Variants in NCEH1 observed in about 807,000 individuals in gnomAD.
The protein encoded by NCEH1 is neutral cholesterol ester hydrolase 1.
NCEH1 carries 9 observed loss-of-function variants against 25.4 expected under a neutral mutation model. The ratio of observed to expected loss-of-function variants is 0.35; its 90% confidence interval spans 0.21 to 0.62. NCEH1 has a LOEUF of 0.62. Among genes scored for constraint, NCEH1 ranks in the 20% least tolerant of loss-of-function variants. NCEH1 has a pLI of 0.72. For synonymous variants in NCEH1, 200 were observed against 199.8 expected, an observed-to-expected ratio of 1.00 and a Z score of -0.01; for missense variants, 412 against 501.1, an observed-to-expected ratio of 0.82 and a Z score of 1.70.
intron 1 of NCEH1, among the ~76,000 whole-genome samples, chr3:172,680,108 C>T (rs1560199433): frequency 1.3e-5 from 2 of 152,204 alleles, no homozygotes; most frequent in South Asian, 4.1e-4. Flanking sequence ...CTGGGGCAGA[C>T]CCAGGAGTTT....
intron 1 of NCEH1, among the ~76,000 whole-genome samples, chr3:172,696,625 G>A (rs886755498): frequency 2.0e-5 from 3 of 152,184 alleles, no homozygotes; most frequent in East Asian, 3.9e-4. Context: ...AGGTCACACA[G>A]CTAGGATAGC....
rs115669038 is a variant in NCEH1 at position 172,634,639 on chromosome 3, G to C, written c.610-547C>G. On this transcript the variant is annotated intron_variant, in intron 4 of 4. Coordinates refer to ENST00000475381, the MANE Select transcript of NCEH1 (RefSeq NM_020792.6). ...CAATGCACCCTCCATTCTACATAATGAGCATATGCCAGAGTGAAGTTGTCA... is the reference window on the plus strand; with the variant it reads ...CAATGCACCCTCCATTCTACATAATCAGCATATGCCAGAGTGAAGTTGTCA... Among the ~76,000 whole-genome samples the C allele has an allele frequency of 2.8e-3, 430 of 152,244 alleles. 2 individuals are homozygous for C. The highest frequency in any genetic ancestry group is 0.01 in the African/African-American group (420 of 41,548).
chr3:172,654,001 C>T (rs1717577517), intron 1 of NCEH1, among the ~76,000 whole-genome samples: 1 of 152,012 alleles, frequency 6.6e-6, no homozygotes, highest in Non-Finnish European at 1.5e-5. Context: ...ATGATCCTCC[C>T]GCCTTGGCCT....
At chr3:172,637,096 T>A (rs1716629736) in intron 3 of NCEH1, among the ~76,000 whole-genome samples, 2 of 152,338 alleles carry the variant, frequency 1.3e-5, no homozygotes, top group Middle Eastern at 3.4e-3. Context: ...AATTATCATA[T>A]GTTTTTCCTA....
chr3:172,690,625 A>T (rs1712981629), intron 1 of NCEH1, among the ~76,000 whole-genome samples: 1 of 152,232 alleles, frequency 6.6e-6, no homozygotes, highest in Non-Finnish European at 1.5e-5. Context: ...CCACTGTAAC[A>T]TTATTTATGG....
rs952246006 is a variant in NCEH1 at position 172,710,959 on chromosome 3, G to A, written c.26C>T (p.Thr9Ile). 3.7e-5 allele frequency: 60 copies of A among 1,614,008 alleles called. No homozygotes were observed. The highest frequency in any genetic ancestry group is 8.3e-5 in the Admixed American group (5 of 60,012). MRSSCVLL[T>I]ALVALAAYYV... The stretch of plus-strand genomic sequence containing the variant: ...ATAGGCGGCCAGCGCCACCAGGGCG[G>A]TGAGCAGGACACAGGACGACCTCAT... The change falls in exon 1 of 5, where the codon ACC becomes ATC. Residue 9 changes from threonine to isoleucine, a missense_variant. Transcript: ENST00000475381.
At position 172,632,492 on chromosome 3, in the gene NCEH1, GAAA is replaced by G. The variant is rs951494635; in HGVS notation, c.*980_*982del. ...AGCTCCATTTTAAAGCCATATAAGT[GAAA>G]AAATTGAGTTTTCAATAATAGACTA... On this transcript the variant is annotated 3_prime_UTR_variant, in exon 5 of 5. Transcript: ENST00000475381. 3 of 152,444 alleles carry G rather than the reference GAAA, an allele frequency of 2.0e-5. No individual in the cohort carries two copies. Among genetic ancestry groups the G allele is most frequent in the Non-Finnish European group, 2.9e-5 (2 of 68,008 alleles). 9.4% of individuals were successfully genotyped at this position (152,444 alleles called of 1,614,324 possible). A position where few individuals can be genotyped will look rare whatever the true frequency, so the allele number is the denominator to read the frequency against.
At chr3:172,677,506 TTCAC>T (rs1712080227) in intron 1 of NCEH1, among the ~76,000 whole-genome samples, 1 of 152,224 alleles carries the variant, frequency 6.6e-6, no homozygotes, top group Non-Finnish European at 1.5e-5. Context: ...CTTTTGAACT[TTCAC>T]TCATCTGAAT....
At chr3:172,653,735 G>GTTTTTTTTTTTTT (rs1553830302) in intron 1 of NCEH1, among the ~76,000 whole-genome samples, 30 of 71,008 alleles carry the variant, frequency 4.2e-4, no homozygotes, top group African/African-American at 1.4e-3. Context: ...TTGTTGTTCT[G>GTTTTTTTTTTTTT]TTTTTTTTGT....
chr3:172,696,369 GA>G (rs1002823873), intron 1 of NCEH1, among the ~76,000 whole-genome samples: 71 of 149,028 alleles, frequency 4.8e-4, no homozygotes, highest in African/African-American at 1.5e-3. Context: ...GACGATAAAA[GA>G]AAAAAAAAAT....
chr3:172,701,084 A>G (rs1713649299), intron 1 of NCEH1, among the ~76,000 whole-genome samples: 1 of 152,122 alleles, frequency 6.6e-6, no homozygotes, highest in Non-Finnish European at 1.5e-5. Flanking sequence ...TACTTCTGCC[A>G]CTATCCATTT....
rs369333214 is a variant in NCEH1 at position 172,647,936 on chromosome 3, T to C, written c.317A>G (p.Lys106Arg). ...TCCGTGGATATAAACGACGCTGCGTTTCAGTGGCTCTTCGGGCTTCGGAGG... is the reference window on the plus strand; with the variant it reads ...TCCGTGGATATAAACGACGCTGCGTCTCAGTGGCTCTTCGGGCTTCGGAGG... ...EGPPKPEEPL[K>R]RSVVYIHGGG... The change falls in exon 2 of 5, where the codon AAA becomes AGA. Residue 106 changes from lysine to arginine, a missense_variant. By Grantham distance (26) the Lys-to-Arg change is conservative. Around this residue, in one of 3 missense-constraint regions of NCEH1, gnomAD observed 178 missense variants for 189.2 expected, o/e 0.94. Coordinates refer to ENST00000475381, the MANE Select transcript of NCEH1 (RefSeq NM_020792.6). 15 of 1,614,090 alleles carry C rather than the reference T, an allele frequency of 9.3e-6. No homozygotes were observed. Among genetic ancestry groups the C allele is most frequent in the Admixed American group, 1.7e-5 (1 of 60,008 alleles).
In NCEH1 at chr3:172,704,552, TTC is replaced by T. The variant is rs755611973; in HGVS notation, c.138+6293_138+6294del. ...AAGTTTAGGTTTCTGCCTTACACAT[TTC>T]TGTTTTGCCAGACCAGCTCCTTGCC... On this transcript the variant is annotated intron_variant, in intron 1 of 4. Coordinates refer to ENST00000475381, the MANE Select transcript of NCEH1 (RefSeq NM_020792.6). 2.0e-5 allele frequency among the ~76,000 whole-genome samples: 3 copies of T among 152,346 alleles called. No individual in the cohort carries two copies. In the East Asian group the frequency reaches 5.8e-4, roughly 29 times the overall value.
rs556246639 is a variant in NCEH1 at position 172,631,167 on chromosome 3, C to T, written c.*2308G>A. ...CATCTGAGAGAGCCTTTTAGAGATCCGGAATCATTTGCTGTCTGCAATTAC... is the reference window on the plus strand; with the variant it reads ...CATCTGAGAGAGCCTTTTAGAGATCTGGAATCATTTGCTGTCTGCAATTAC... On this transcript the variant is annotated 3_prime_UTR_variant, in exon 5 of 5. Transcript: ENST00000475381. 12 of 152,100 alleles carry T rather than the reference C, an allele frequency of 7.9e-5. No homozygotes were observed. Among genetic ancestry groups the T allele is most frequent in the Admixed American group, 1.3e-4 (2 of 15,272 alleles). The allele number at this position is 152,100 out of a possible 1,614,324, so 9.4% of individuals were successfully genotyped here.
At chr3:172,660,041 G>C (rs1717899071) in intron 1 of NCEH1, among the ~76,000 whole-genome samples, 1 of 149,814 alleles carries the variant, frequency 6.7e-6, no homozygotes, top group East Asian at 2.0e-4. Flanking sequence ...GTGCAAGTTT[G>C]TTACATATGT....
At chr3:172,675,978 A>G (rs1711972968) in intron 1 of NCEH1, among the ~76,000 whole-genome samples, 1 of 152,184 alleles carries the variant, frequency 6.6e-6, no homozygotes, top group Non-Finnish European at 1.5e-5. Context: ...TACTGCAAGC[A>G]GAACCACACA....
chr3:172,647,816 C>T, intron 2 of NCEH1, 70 bp downstream of exon 2: 1 of 1,585,678 alleles, frequency 6.3e-7, no homozygotes, highest in Non-Finnish European at 8.6e-7. Flanking sequence ...CTAAGAAAGC[C>T]AAACTCAGTT....
intron 1 of NCEH1, among the ~76,000 whole-genome samples, chr3:172,657,417 C>T (rs560604390): frequency 4.6e-5 from 7 of 152,276 alleles, no homozygotes; most frequent in African/African-American, 1.2e-4. Context: ...AAGCTAGAAA[C>T]CTTACTATTG....
At chr3:172,679,451 C>T (rs1014191921) in intron 1 of NCEH1, among the ~76,000 whole-genome samples, 3 of 152,136 alleles carry the variant, frequency 2.0e-5, no homozygotes, top group African/African-American at 4.8e-5. Context: ...CCCCCACCCC[C>T]GACCTTTTAT....
Sources: allele counts gnomAD v4.1 joint callset (sites outside exome capture counted in the v4.1 genomes callset), GRCh38; gene constraint gnomAD v4.1.1; regional missense constraint gnomAD v4.1.1; transcripts MANE v1.5; gene names NCBI Gene and HGNC (gene_info 2026-07-23, HGNC 2026-07-21).